Variants in PCDHGB1 observed in about 807,000 individuals in gnomAD.
PCDHGB1 encodes protocadherin gamma subfamily B, 1.
Under a neutral mutation model 56.6 loss-of-function variants are expected in PCDHGB1, and 34 were observed. The ratio of observed to expected loss-of-function variants is 0.60; its 90% CI spans 0.46 to 0.80. PCDHGB1 has a LOEUF of 0.80. Among genes scored for constraint, PCDHGB1 ranks in the 30% least tolerant of loss-of-function variants. The pLI, the probability that PCDHGB1 is intolerant of heterozygous loss-of-function variation, is 0.00. For synonymous variants in PCDHGB1, 561 were observed against 505.9 expected (o/e 1.11, Z -1.46); for missense variants, 1,278 against 1,204.6 (o/e 1.06, Z -0.90).
At position 141,430,969 on chromosome 5, in the gene PCDHGB1, T is replaced by C. The variant is rs560722324; in HGVS notation, c.2410-63838T>C. The C allele has an allele frequency of 1.5e-4, 246 of 1,613,012 alleles. 3 individuals carry two copies. The South Asian group carries it at 2.6e-3, about 17-fold the overall frequency. The stretch of plus-strand genomic sequence containing the variant: ...GCGGAGTCCGCATCATCCCCAGAGG[T>C]AGGACGCAGCTTTTCGCCCTGAATC... On this transcript the variant is annotated intron_variant, in intron 1 of 3. Transcript: ENST00000523390.
intron 1 of PCDHGB1, chr5:141,423,956 A>G: frequency 1.7e-6 from 2 of 1,182,724 alleles, no homozygotes; most frequent in Non-Finnish European, 2.1e-6. Flanking sequence ...TTTTAGTATT[A>G]TTTTTCTATT....
intron 1 of PCDHGB1, chr5:141,395,196 G>A (rs1431851304): frequency 5.0e-6 from 8 of 1,613,948 alleles, no homozygotes; most frequent in Admixed American, 1.7e-5. Flanking sequence ...GTTAACATCC[G>A]TAGATTTTCA....
At chr5:141,392,719 C>CCG in intron 1 of PCDHGB1, 1 of 1,383,098 alleles carries the variant, frequency 7.2e-7, no homozygotes, top group African/African-American at 1.5e-5. Context: ...TCCAGGTTTC[C>CCG]GGAGGATTGT....
chr5:141,420,244 C>A lies in PCDHGB1; in HGVS notation c.2409+67575C>A, dbSNP rs755775597. On this transcript the variant is annotated intron_variant, in intron 1 of 3. Coordinates refer to ENST00000523390, the MANE Select transcript of PCDHGB1 (RefSeq NM_018922.3). ...TACTGGCTAGCATTTTAACTCCCAGCGTTGAAGCAGATAAGAAGATTCTTA... is the reference window on the plus strand; with the variant it reads ...TACTGGCTAGCATTTTAACTCCCAGAGTTGAAGCAGATAAGAAGATTCTTA... 83 of 1,584,438 alleles carry A rather than the reference C, an allele frequency of 5.2e-5. 1 individual carries two copies. The South Asian group carries it at 9.4e-4, about 18-fold the overall frequency.
At chr5:141,470,723 G>T (rs1326927605) in intron 1 of PCDHGB1, among the ~76,000 whole-genome samples, 1 of 151,852 alleles carries the variant, frequency 6.6e-6, no homozygotes, top group East Asian at 1.9e-4. Flanking sequence ...TTTGAGTCAG[G>T]GTCTTGCTCT....
At chr5:141,380,731 T>C (rs1776694872) in intron 1 of PCDHGB1, among the ~76,000 whole-genome samples, 1 of 152,266 alleles carries the variant, frequency 6.6e-6, no homozygotes, top group Non-Finnish European at 1.5e-5. Flanking sequence ...TTATTTCCTT[T>C]TCTCCAAAGA....
In PCDHGB1 at chr5:141,350,243, C is replaced by G. The variant is rs750200716; in HGVS notation, c.-18C>G. 1.3e-6 allele frequency: 2 copies of G among 1,505,416 alleles called. No homozygotes were observed. The highest frequency in any genetic ancestry group is 1.8e-6 in the Non-Finnish European group (2 of 1,128,944). 93.3% of individuals were successfully genotyped at this position (1,505,416 alleles called of 1,614,324 possible). ...AAAAACATCCCAGAGGAAAGAAGCTCCGCGGAGAGTTCCTGAAATGCAGAG... is the reference window on the plus strand; with the variant it reads ...AAAAACATCCCAGAGGAAAGAAGCTGCGCGGAGAGTTCCTGAAATGCAGAG... On this transcript the variant is annotated 5_prime_UTR_variant, in exon 1 of 4. Transcript: ENST00000523390.
intron 1 of PCDHGB1, among the ~76,000 whole-genome samples, chr5:141,466,884 T>G (rs901947336): frequency 2.6e-5 from 4 of 152,212 alleles, no homozygotes; most frequent in Admixed American, 1.3e-4. Flanking sequence ...TTTCATAATA[T>G]GCATTTTCCA....
intron 1 of PCDHGB1, chr5:141,376,307 G>C: frequency 6.2e-7 from 1 of 1,614,192 alleles, no homozygotes; most frequent in Non-Finnish European, 8.5e-7. Flanking sequence ...GCACTTTGTG[G>C]GCGTGGAAGG....
intron 1 of PCDHGB1, chr5:141,382,884 G>C: frequency 6.5e-7 from 1 of 1,529,218 alleles, no homozygotes; most frequent in South Asian, 1.3e-5. Flanking sequence ...GCCTAAGCAA[G>C]AGAAGCAGGA....
intron 1 of PCDHGB1, chr5:141,392,738 T>C (rs2150490352): frequency 4.2e-6 from 6 of 1,433,676 alleles, no homozygotes; most frequent in Non-Finnish European, 5.5e-6. Flanking sequence ...GTCATCTCCA[T>C]AGCTGCGGCA....
intron 1 of PCDHGB1, among the ~76,000 whole-genome samples, chr5:141,463,505 G>A (rs1213601894): frequency 7.3e-6 from 1 of 137,472 alleles, no homozygotes; most frequent in Non-Finnish European, 1.5e-5. Flanking sequence ...CTGGAGTGAC[G>A]TGGCGTGATC....
chr5:141,421,077 A>G (rs975269359), intron 1 of PCDHGB1: 1 of 619,100 alleles, frequency 1.6e-6, no homozygotes, highest in Non-Finnish European at 2.7e-6. Context: ...TGAGATGGAT[A>G]CTCACAGATC....
chr5:141,371,606 G>A, intron 1 of PCDHGB1: 2 of 1,614,010 alleles, frequency 1.2e-6, no homozygotes, highest in South Asian at 2.2e-5. Context: ...CATACAGGTT[G>A]GTGACAGATG....
At chr5:141,461,740 G>A (rs770518286) in intron 1 of PCDHGB1, among the ~76,000 whole-genome samples, 4 of 152,072 alleles carry the variant, frequency 2.6e-5, no homozygotes, top group Non-Finnish European at 2.9e-5. Context: ...GCACAATCCC[G>A]GCTCCCAGAT....
In PCDHGB1 at chr5:141,352,297, C is replaced by T. The variant is rs1426254602; in HGVS notation, c.2037C>T (p.Asp679=). 2.5e-6 allele frequency: 4 copies of T among 1,613,952 alleles called. No individual in the cohort carries two copies. The African/African-American group carries it at 4.0e-5, about 16-fold the overall frequency. The change falls in exon 1 of 4, where the codon GAC becomes GAT. Residue 679 remains aspartate (D), a synonymous_variant. Transcript: ENST00000523390. The part of the protein sequence containing the change: ...PDLSDRPEPS[D]PQTELQFYLV... ...TCAGCGACCGCCCTGAGCCCTCTGA[C>T]CCCCAGACGGAACTGCAGTTTTACC...
chr5:141,357,079 C>A (rs760842215), intron 1 of PCDHGB1: 2 of 1,613,938 alleles, frequency 1.2e-6, no homozygotes, highest in Non-Finnish European at 1.7e-6. Flanking sequence ...AGGCGAGGTG[C>A]GCACCGCACG....
intron 1 of PCDHGB1, chr5:141,393,467 C>G (rs1589192441): frequency 6.2e-7 from 1 of 1,614,044 alleles, no homozygotes; most frequent in East Asian, 2.2e-5. Flanking sequence ...CGGATGGCGG[C>G]AAGCCGCCTC....
At chr5:141,371,536 A>G (rs1767830265) in intron 1 of PCDHGB1, 4 of 1,613,810 alleles carry the variant, frequency 2.5e-6, no homozygotes, top group Non-Finnish European at 3.4e-6. Flanking sequence ...TTTAATGGAG[A>G]AATCCTATGC....
Sources: gnomAD v4.1 joint callset for allele counts (sites outside exome capture counted in the v4.1 genomes callset) on GRCh38, gnomAD v4.1.1 for gene constraint, MANE v1.5 for transcripts, NCBI Gene and HGNC (gene_info 2026-07-23, HGNC 2026-07-21) for gene names.